The following ITLN1 variants were observed in gnomAD, a reference collection of about 807,000 sequenced individuals.
ITLN1 encodes intelectin 1, also known as intelectin-1.
Under a neutral mutation model 36.2 loss-of-function variants are expected in ITLN1, and 29 were observed. The observed-to-expected ratio is 0.80, with a 90% CI of 0.60 to 1.09. The LOEUF is 1.09. Ranked by LOEUF, ITLN1 falls within the 50% of genes least tolerant of loss-of-function variation. The probability of loss-of-function intolerance (pLI) is 0.00; values close to 1 mark genes in which losing one functional copy is unlikely to be tolerated. For missense variants in ITLN1, 358 were observed against 405.2 expected (o/e 0.88, Z 1.00); for synonymous variants, 143 against 146.5 (o/e 0.98, Z 0.17).
intron 4 of ITLN1, 81 bp downstream of exon 4, chr1:160,881,876 C>T (rs1670684824): frequency 4.4e-6 from 7 of 1,604,478 alleles, no homozygotes; most frequent in African/African-American, 2.7e-5. Context: ...CCCCTACCTT[C>T]CAGCCATCCC....
At chr1:160,877,255 C>T (rs985058110) in intron 7 of ITLN1, among the ~76,000 whole-genome samples, 4 of 151,028 alleles carry the variant, frequency 2.6e-5, no homozygotes, top group African/African-American at 9.7e-5. Context: ...AAAAAAAAAA[C>T]TCTCTTCCTT....
intron 3 of ITLN1, 178 bp from the exon 4 acceptor site, chr1:160,882,382 G>A: frequency 3.4e-6 from 2 of 585,922 alleles, no homozygotes; most frequent in Non-Finnish European, 2.8e-6. Context: ...TCATGCTCCT[G>A]TAACTGAGGC....
chr1:160,878,237 C>T (rs1445057953), intron 7 of ITLN1, among the ~76,000 whole-genome samples: 1 of 152,056 alleles, frequency 6.6e-6, no homozygotes, highest in Non-Finnish European at 1.5e-5. Context: ...CACCTCACTC[C>T]TTTTTTGCCT....
In ITLN1 at chr1:160,881,226, G is replaced by C; in HGVS notation, c.492C>G (p.Ser164Arg). 1.2e-6 allele frequency: 2 copies of C among 1,613,906 alleles called. No individual in the cohort carries two copies. The highest frequency in any genetic ancestry group is 1.7e-6 in the Non-Finnish European group (2 of 1,179,856). ...NKSPMQHWRNSSLLRYRTDTG... is the reference protein window; with the variant it reads ...NKSPMQHWRNRSLLRYRTDTG... Reference sequence around the variant, plus strand: ...TGTCCGTGCGGTACCTCAGCAGGGAGCTGTTTCTCCAGTGCTGCATGGGGG... The same window carrying C: ...TGTCCGTGCGGTACCTCAGCAGGGACCTGTTTCTCCAGTGCTGCATGGGGG... Residue 164 changes from serine to arginine, a missense_variant, in exon 5 of 8, where the codon AGC (serine) becomes AGG (arginine). By Grantham distance (110) the Ser-to-Arg change is moderately radical. Coordinates refer to ENST00000326245, the MANE Select transcript of ITLN1 (RefSeq NM_017625.3).
At chr1:160,879,901 T>C (rs547994709) in intron 6 of ITLN1, among the ~76,000 whole-genome samples, 2 of 152,192 alleles carry the variant, frequency 1.3e-5, no homozygotes, top group Admixed American at 1.3e-4. Context: ...AAACTCACAA[T>C]AGAAAAAAAA....
chr1:160,881,577 GGCGGGC>G (rs1670678562), intron 4 of ITLN1: 1 of 494,414 alleles, frequency 2.0e-6, no homozygotes, highest in African/African-American at 2.0e-5. Context: ...GGGAGACCAA[GGCGGGC>G]AGGTCACTTG....
intron 6 of ITLN1, among the ~76,000 whole-genome samples, chr1:160,880,010 G>A (rs1670650596): frequency 6.6e-6 from 1 of 152,024 alleles, no homozygotes; most frequent in African/African-American, 2.4e-5. Flanking sequence ...TAAAGAGTCT[G>A]GAGTCTGGAG....
At position 160,876,626 on chromosome 1, in the gene ITLN1, G is replaced by T. The variant is rs763946123; in HGVS notation, c.*38C>A. On this transcript the variant is annotated 3_prime_UTR_variant, in exon 8 of 8. Transcript: ENST00000326245. ...TGTTCTCCATCCTTGGGATCTCATG[G>T]TTGGGAGGAGAGGTCTGGGTTCCCT... is the stretch of plus-strand genomic sequence containing the variant. 24 of 1,607,490 alleles carry T rather than the reference G, an allele frequency of 1.5e-5. No individual in the cohort carries two copies. The highest frequency in any genetic ancestry group is 1.9e-5 in the Non-Finnish European group (22 of 1,175,406).
chr1:160,882,920 A>AG (rs1208691617), intron 3 of ITLN1, among the ~76,000 whole-genome samples: 2 of 151,998 alleles, frequency 1.3e-5, no homozygotes, highest in African/African-American at 2.4e-5. Context: ...CCCAGGCTGG[A>AG]GTGAAGTGGC....
chr1:160,882,328 C>T (rs1670695191), intron 3 of ITLN1, 124 bp from the exon 4 acceptor site: 1 of 1,279,040 alleles, frequency 7.8e-7, no homozygotes, highest in Non-Finnish European at 1.1e-6. Context: ...ACTCACATCA[C>T]TAAGTGCTCC....
rs1327915291 is a variant in ITLN1 at position 160,885,129 on chromosome 1, C to T, written c.-75G>A. On this transcript the variant is annotated 5_prime_UTR_variant, in exon 1 of 8. Transcript: ENST00000326245. ...CCTTCACTCCCTCCCTCCACTGCGC[C>T]CTGGAGCTCAACAGAGTGCAGCTTT... The T allele has an allele frequency of 2.4e-6, 1 of 424,404 alleles. No individual in the cohort carries two copies. The highest frequency in any genetic ancestry group is 2.0e-5 in the African/African-American group (1 of 50,818). The allele number at this position is 424,404 out of a possible 1,614,324, so 26.3% of individuals were successfully genotyped here.
At chr1:160,880,862 A>G (rs1670663542) in intron 5 of ITLN1, among the ~76,000 whole-genome samples, 154 bp from the exon 6 acceptor site, 1 of 152,222 alleles carries the variant, frequency 6.6e-6, no homozygotes, top group Admixed American at 6.5e-5. Flanking sequence ...TTTCCATGAC[A>G]CTGCTGCCAG....
At chr1:160,881,555 T>A (rs892303839) in intron 4 of ITLN1, 10 of 523,244 alleles carry the variant, frequency 1.9e-5, no homozygotes, top group African/African-American at 1.4e-4. Context: ...ATGCCTATAA[T>A]CCCAGCACTT....
rs79209815 is a variant in ITLN1, at chr1:160,885,137, T to C, written c.-83A>G. On this transcript the variant is annotated 5_prime_UTR_variant, in exon 1 of 8. Coordinates refer to ENST00000326245, the MANE Select transcript of ITLN1 (RefSeq NM_017625.3). ...CCCTCCCTCCACTGCGCCCTGGAGC[T>C]CAACAGAGTGCAGCTTTCTCCAAAA... 8,109 of 398,168 alleles carry C rather than the reference T, an allele frequency of 0.02. 366 individuals are homozygous for C. The highest frequency in any genetic ancestry group is 0.1 in the African/African-American group (5,055 of 50,050). 24.7% of individuals were successfully genotyped at this position (398,168 alleles called of 1,614,324 possible).
chr1:160,882,201 C>T lies in ITLN1; in HGVS notation c.161G>A (p.Gly54Asp), dbSNP rs762019856. 3.8e-6 allele frequency: 6 copies of T among 1,571,836 alleles called. No individual in the cohort carries two copies. In the South Asian group the frequency reaches 7.2e-5, roughly 19 times the overall value. Residue 54 changes from glycine (G) to aspartate (D), a missense_variant, in exon 4 of 8, where the codon GGC becomes GAC. Physicochemically the swap from Gly to Asp is moderately conservative, Grantham distance 94. Coordinates refer to ENST00000326245, the MANE Select transcript of ITLN1 (RefSeq NM_017625.3). ...IKDECPSAFD[G>D]LYFLRTENGV... ...ATTCTCAGTGCGGAGAAAATACAGGCCATCTGTAGAGAGAACCAGCCCAGA... is the reference window on the plus strand; with the variant it reads ...ATTCTCAGTGCGGAGAAAATACAGGTCATCTGTAGAGAGAACCAGCCCAGA...
At chr1:160,881,359 G>A in intron 4 of ITLN1, 47 bp from the exon 5 acceptor site, 1 of 1,517,074 alleles carries the variant, frequency 6.6e-7, no homozygotes, top group Non-Finnish European at 8.8e-7. Context: ...GAGGTCCCAG[G>A]AGGCAGAAGG....
At position 160,876,647 on chromosome 1, in the gene ITLN1, T is replaced by G. The variant is rs1553199522; in HGVS notation, c.*17A>C. 5 of 1,613,572 alleles carry G rather than the reference T, an allele frequency of 3.1e-6. No homozygotes were observed. Among genetic ancestry groups the G allele is most frequent in the East Asian group, 4.5e-5 (2 of 44,894 alleles). On this transcript the variant is annotated 3_prime_UTR_variant, in exon 8 of 8. Coordinates refer to ENST00000326245, the MANE Select transcript of ITLN1 (RefSeq NM_017625.3). ...CATGGTTGGGAGGAGAGGTCTGGGT[T>G]CCCTCCCACAAAACTCTCAACGATA... is the stretch of plus-strand genomic sequence containing the variant.
intron 3 of ITLN1, 46 bp downstream of exon 3, chr1:160,883,382 A>T (rs1000719794): frequency 7.5e-7 from 1 of 1,335,240 alleles, no homozygotes; most frequent in Non-Finnish European, 1.1e-6. Flanking sequence ...AGAAGACACA[A>T]TCCTGATACC....
chr1:160,881,820 A>T, intron 4 of ITLN1, 137 bp downstream of exon 4: 1 of 1,221,430 alleles, frequency 8.2e-7, no homozygotes, highest in Non-Finnish European at 1.1e-6. Context: ...AAAAAAAAAA[A>T]AAAAAGATAT....
Sources: gnomAD v4.1 joint callset for allele counts (sites outside exome capture counted in the v4.1 genomes callset) on GRCh38, gnomAD v4.1.1 for gene constraint, MANE v1.5 for transcripts, NCBI Gene and HGNC (gene_info 2026-07-23, HGNC 2026-07-21) for gene names.